FARP1: variants seen among roughly 807,000 people sequenced by gnomAD.
FARP1 encodes FERM, ARHGEF and pleckstrin domain-containing protein 1.
A neutral mutation model predicts 128.8 loss-of-function variants in FARP1; 52 were observed. The observed-to-expected ratio is 0.40, with a 90% CI of 0.32 to 0.51. The LOEUF (loss-of-function observed/expected upper bound fraction) is 0.51. FARP1 is among the 20% of genes least tolerant of loss of function. The pLI is 0.45. For synonymous variants in FARP1, 580 were observed against 551.8 expected, an observed-to-expected ratio of 1.05 and a Z score of -0.72; for missense variants, 1,333 against 1,367.9, an observed-to-expected ratio of 0.97 and a Z score of 0.40.
Position 98,209,472 on chromosome 13 carries a change from ATTTTTTTT to A in FARP1, c.-23-3731_-23-3724del, listed in dbSNP as rs534634730. 1.8e-3 allele frequency among the ~76,000 whole-genome samples: 187 copies of A among 106,442 alleles called. 2 individuals carry two copies. The highest frequency in any genetic ancestry group is 6.8e-3 in the African/African-American group (174 of 25,666). 69.8% of individuals were successfully genotyped at this position (106,442 alleles called of 152,430 possible). On this transcript the variant is annotated intron_variant, in intron 1 of 26. Transcript: ENST00000319562. ...GAGACAGACTATCTGGGGAGGAAAG[ATTTTTTTT>A]TTTTTTTTTTTTTTTTAAGGAAAAT...
At chr13:98,435,825 C>A in intron 19 of FARP1, 119 bp downstream of exon 19, 1 of 1,034,100 alleles carries the variant, frequency 9.7e-7, no homozygotes, top group Non-Finnish European at 1.5e-6. Context: ...TCTTTCCATC[C>A]ACCTGGGAGA....
chr13:98,265,848 T>C, intron 2 of FARP1, among the ~76,000 whole-genome samples: 1 of 152,212 alleles, frequency 6.6e-6, no homozygotes, highest in East Asian at 1.9e-4. Flanking sequence ...CACAGTCTGA[T>C]AGAGGAGGCA....
intron 2 of FARP1, among the ~76,000 whole-genome samples, chr13:98,237,003 A>C (rs1769439581): frequency 6.6e-6 from 1 of 151,654 alleles, no homozygotes; most frequent in Non-Finnish European, 1.5e-5. Flanking sequence ...GGGGGAAAAA[A>C]AGAAAACGTT....
At chr13:98,436,225 ACT>A in intron 19 of FARP1, 1 of 212,754 alleles carries the variant, frequency 4.7e-6, no homozygotes, top group Non-Finnish European at 9.4e-6. Flanking sequence ...GTTCACTGAC[ACT>A]GTCGCCTACC....
At position 98,448,460 on chromosome 13, in the gene FARP1, C is replaced by T. The variant is rs908244909; in HGVS notation, c.*143C>T. ...AGCAGCTCTCCTGTCTCCACAGCCG[C>T]GTTTTTTAACCCCGACCTCTCAGCG... On this transcript the variant is annotated 3_prime_UTR_variant, in exon 27 of 27. Transcript: ENST00000319562. 27 of 675,886 alleles carry T rather than the reference C, an allele frequency of 4.0e-5. No homozygotes were observed. Among genetic ancestry groups the T allele is most frequent in the South Asian group, 2.2e-4 (12 of 54,600 alleles). 41.9% of individuals were successfully genotyped at this position (675,886 alleles called of 1,614,324 possible).
intron 1 of FARP1, among the ~76,000 whole-genome samples, chr13:98,166,724 C>CTTT (rs60609331): frequency 7.7e-4 from 106 of 137,134 alleles, no homozygotes; most frequent in African/African-American, 2.7e-3. Flanking sequence ...GTTTTTCTTT[C>CTTT]TTTTTTTTTT....
intron 2 of FARP1, among the ~76,000 whole-genome samples, chr13:98,224,151 A>AC (rs908165940): frequency 5.3e-5 from 8 of 152,198 alleles, no homozygotes; most frequent in Non-Finnish European, 7.3e-5. Context: ...GGTTATCACA[A>AC]CAATACCTTT....
chr13:98,384,900 C>T (rs599255), intron 7 of FARP1, 56 bp downstream of exon 7: 202,888 of 1,032,318 alleles, frequency 0.2, 21,392 homozygotes, highest in African/African-American at 0.34. Flanking sequence ...CTGCCTCCAA[C>T]CTACATGGGT....
intron 1 of FARP1, among the ~76,000 whole-genome samples, chr13:98,208,867 A>G (rs1880472756): frequency 6.6e-6 from 1 of 152,178 alleles, no homozygotes; most frequent in Non-Finnish European, 1.5e-5. Flanking sequence ...AGAGGAAGTA[A>G]GGAATTCATT....
chr13:98,244,882 G>GC, intron 2 of FARP1: 1 of 1,430,884 alleles, frequency 7.0e-7, no homozygotes, highest in South Asian at 1.5e-5. Context: ...ATACAGAGGG[G>GC]CCCATCCACT....
chr13:98,312,018 A>G (rs115303703), intron 2 of FARP1, among the ~76,000 whole-genome samples: 3,302 of 142,612 alleles, frequency 0.023, 115 homozygotes, highest in African/African-American at 0.082. Flanking sequence ...TAATTTTTGT[A>G]TTTTTTTAGG....
intron 3 of FARP1, among the ~76,000 whole-genome samples, chr13:98,349,898 C>T (rs1484641557): frequency 6.6e-6 from 1 of 152,006 alleles, no homozygotes; most frequent in East Asian, 1.9e-4. Context: ...GACGGGCATC[C>T]CTTGCTGGAG....
At chr13:98,416,794 T>A (rs1891390833) in intron 16 of FARP1, among the ~76,000 whole-genome samples, 1 of 151,560 alleles carries the variant, frequency 6.6e-6, no homozygotes, top group Admixed American at 6.6e-5. Flanking sequence ...TGCTACAGAG[T>A]GCCTTGGTAG....
intron 16 of FARP1, among the ~76,000 whole-genome samples, chr13:98,418,246 A>G (rs568933708): frequency 4.0e-5 from 6 of 149,526 alleles, no homozygotes; most frequent in South Asian, 4.3e-4. Context: ...GTAAAATTAC[A>G]TGTTTATTTG....
At chr13:98,351,646 G>A (rs1049850355) in intron 3 of FARP1, among the ~76,000 whole-genome samples, 2 of 151,760 alleles carry the variant, frequency 1.3e-5, no homozygotes, top group African/African-American at 4.8e-5. Flanking sequence ...AAAGAAAAGA[G>A]GTTTAATTGG....
chr13:98,439,671 G>A (rs941294725), intron 21 of FARP1, among the ~76,000 whole-genome samples: 6 of 152,222 alleles, frequency 3.9e-5, no homozygotes, highest in South Asian at 2.1e-4. Context: ...TGTAGAGGGC[G>A]CCTGGGCCTG....
intron 2 of FARP1, chr13:98,244,703 T>C: frequency 6.2e-7 from 1 of 1,613,288 alleles, no homozygotes; most frequent in Non-Finnish European, 8.5e-7. Context: ...TTCTTAATCT[T>C]TTTTGAGTCA....
At chr13:98,431,749 G>C (rs115630311) in intron 18 of FARP1, 8,742 of 153,112 alleles carry the variant, frequency 0.057, 325 homozygotes, top group East Asian at 0.15. Context: ...CGTGAGCCAC[G>C]GTGCCCGGCC....
intron 16 of FARP1, among the ~76,000 whole-genome samples, chr13:98,419,489 C>CACACACACAT (rs1173025250): frequency 3.4e-5 from 5 of 147,490 alleles, no homozygotes; most frequent in Non-Finnish European, 1.5e-5. Context: ...AAAATACACA[C>CACACACACAT]ACACACACAC....
Sources: gnomAD v4.1 joint callset for allele counts (sites outside exome capture counted in the v4.1 genomes callset) on GRCh38, gnomAD v4.1.1 for gene constraint, MANE v1.5 for transcripts, NCBI Gene and HGNC (gene_info 2026-07-23, HGNC 2026-07-21) for gene names.